GPC3: variants seen among roughly 807,000 people sequenced by gnomAD.
GPC3 encodes glypican-3.
In GPC3, 3 loss-of-function variants were observed where a neutral mutation model predicts 34.4. That is an observed-to-expected ratio of 0.09 (90% CI 0.04 to 0.23). The LOEUF is 0.23. Among genes scored for constraint, GPC3 ranks in the 10% least tolerant of loss-of-function variants. GPC3 has a pLI of 1.00. For missense variants in GPC3, 351 were observed against 445.6 expected, an observed-to-expected ratio of 0.79 and a Z score of 1.91; for synonymous variants, 177 against 174.0, an observed-to-expected ratio of 1.02 and a Z score of -0.13.
chrX:133,739,461 T>C (rs1167283825), intron 3 of GPC3, among the ~76,000 whole-genome samples: 2 of 111,922 alleles, frequency 1.8e-5, no homozygotes, highest in Non-Finnish European at 3.8e-5. Flanking sequence ...GCGAGGTTGG[T>C]ATTTTTATCC....
chrX:133,930,474 T>C (rs182719903), intron 2 of GPC3, among the ~76,000 whole-genome samples: 436 of 112,283 alleles, frequency 3.9e-3, no homozygotes, highest in African/African-American at 0.013. Flanking sequence ...ATAGGGACTA[T>C]GTGTCTCATG....
At chrX:133,869,890 G>C (rs1207982627) in intron 2 of GPC3, among the ~76,000 whole-genome samples, 5 of 112,395 alleles carry the variant, frequency 4.4e-5, no homozygotes, top group African/African-American at 1.6e-4. Context: ...AGGAGGCAGA[G>C]CTTGCAGTGA....
chrX:133,712,725 C>CAAAAA (rs780184204), intron 3 of GPC3, among the ~76,000 whole-genome samples: 4 of 103,170 alleles, frequency 3.9e-5, no homozygotes, highest in African/African-American at 1.4e-4. Flanking sequence ...ACTAAAAATA[C>CAAAAA]AAAAAAAAAA....
At chrX:133,849,000 T>C (rs2075859305) in intron 2 of GPC3, among the ~76,000 whole-genome samples, 1 of 109,317 alleles carries the variant, frequency 9.1e-6, no homozygotes, top group Non-Finnish European at 1.9e-5. Context: ...TCTGTACTGA[T>C]GACAGAACAA....
chrX:133,723,464 G>A (rs1208709290), intron 3 of GPC3, among the ~76,000 whole-genome samples: 1 of 111,823 alleles, frequency 8.9e-6, no homozygotes, highest in African/African-American at 3.3e-5. Flanking sequence ...TGTGCTCCTC[G>A]CCTGATATGG....
At chrX:133,664,245 G>T (rs1183677703) in intron 5 of GPC3, among the ~76,000 whole-genome samples, 1 of 112,021 alleles carries the variant, frequency 8.9e-6, no homozygotes, top group African/African-American at 3.2e-5. Flanking sequence ...GTTTTCATTT[G>T]GCATTTGCAA....
intron 3 of GPC3, among the ~76,000 whole-genome samples, chrX:133,733,123 G>C (rs1221081637): frequency 9.0e-6 from 1 of 111,223 alleles, no homozygotes; most frequent in African/African-American, 3.3e-5. Context: ...AACGAAATAA[G>C]ATCTTTTGCA....
intron 5 of GPC3, among the ~76,000 whole-genome samples, chrX:133,663,588 C>G (rs1336676828): frequency 9.0e-6 from 1 of 111,633 alleles, no homozygotes; most frequent in Non-Finnish European, 1.9e-5. Flanking sequence ...ACATGATTTT[C>G]ACTTCCACAG....
chrX:133,558,931 A>ATAAC (rs1240888123), intron 7 of GPC3, among the ~76,000 whole-genome samples: 1 of 109,409 alleles, frequency 9.1e-6, no homozygotes, highest in African/African-American at 3.3e-5. Context: ...AAATAAATAA[A>ATAAC]TAAATAAATA....
chrX:133,552,192 G>T (rs1603150818), intron 7 of GPC3, among the ~76,000 whole-genome samples: 1 of 112,171 alleles, frequency 8.9e-6, no homozygotes, highest in Non-Finnish European at 1.9e-5. Context: ...ATGGAATGAG[G>T]GGGTGAAGGT....
At chrX:133,717,705 G>A (rs2071329169) in intron 3 of GPC3, among the ~76,000 whole-genome samples, 1 of 110,712 alleles carries the variant, frequency 9.0e-6, no homozygotes, top group South Asian at 3.9e-4. Context: ...AAAGCTCCTG[G>A]CTGAATAAAG....
chrX:133,701,290 C>T (rs1166928548), intron 3 of GPC3, among the ~76,000 whole-genome samples: 2 of 111,728 alleles, frequency 1.8e-5, no homozygotes, highest in Non-Finnish European at 3.8e-5. Flanking sequence ...GTGCCAGACA[C>T]TATGCCAACT....
At chrX:133,842,017 ATTAC>A (rs1355178907) in intron 2 of GPC3, among the ~76,000 whole-genome samples, 1 of 112,154 alleles carries the variant, frequency 8.9e-6, no homozygotes, top group Non-Finnish European at 1.9e-5. Context: ...CATGTAAGTT[ATTAC>A]TTAATAAACT....
chrX:133,873,077 T>C (rs1203823524), intron 2 of GPC3, among the ~76,000 whole-genome samples: 1 of 112,201 alleles, frequency 8.9e-6, no homozygotes, highest in Non-Finnish European at 1.9e-5. Context: ...AGGCCGAATT[T>C]ACTAAGAAGT....
At chrX:133,984,173 C>T (rs1278104475) in intron 1 of GPC3, among the ~76,000 whole-genome samples, 2 of 113,674 alleles carry the variant, frequency 1.8e-5, no homozygotes, top group Non-Finnish European at 3.7e-5. Context: ...CCCTCGGAAG[C>T]GCGGGACGCG....
intron 7 of GPC3, among the ~76,000 whole-genome samples, chrX:133,590,599 T>C (rs1246481596): frequency 8.9e-6 from 1 of 112,122 alleles, no homozygotes; most frequent in Non-Finnish European, 1.9e-5. Flanking sequence ...ACCTTCTTAT[T>C]ATTAGGTTGG....
At chrX:133,699,146 G>C (rs1410629319) in intron 4 of GPC3, among the ~76,000 whole-genome samples, 1 of 111,661 alleles carries the variant, frequency 9.0e-6, no homozygotes, top group Non-Finnish European at 1.9e-5. Context: ...TAACCTGGGA[G>C]GCATAGGTCA....
intron 7 of GPC3, among the ~76,000 whole-genome samples, chrX:133,582,588 G>A (rs2069742040): frequency 8.9e-6 from 1 of 112,558 alleles, no homozygotes; most frequent in African/African-American, 3.2e-5. Flanking sequence ...TTTTAGGTCT[G>A]TTGAATCTCA....
intron 3 of GPC3, among the ~76,000 whole-genome samples, chrX:133,736,289 T>C (rs959818136): frequency 8.9e-6 from 1 of 112,052 alleles, no homozygotes; most frequent in Non-Finnish European, 1.9e-5. Context: ...GAAAGTTAAA[T>C]TGCTCAGCTT....
Sources: allele counts gnomAD v4.1 joint callset (sites outside exome capture counted in the v4.1 genomes callset), GRCh38; gene constraint gnomAD v4.1.1; transcripts MANE v1.5; gene names NCBI Gene and HGNC (gene_info 2026-07-23, HGNC 2026-07-21).